The following CIT variants were observed in gnomAD, a reference collection of about 807,000 sequenced individuals.
CIT encodes citron Rho-interacting kinase.
CIT carries 79 observed loss-of-function variants against 272.7 expected under a neutral mutation model. That is an observed-to-expected ratio of 0.29 (90% CI 0.24 to 0.35). CIT has a LOEUF of 0.35. Ranked by LOEUF, CIT falls within the 10% of genes least tolerant of loss-of-function variation. The pLI is 1.00. For missense variants in CIT, 1,909 were observed against 2,618.3 expected, an observed-to-expected ratio of 0.73 and a Z score of 5.91; for synonymous variants, 948 against 995.6, an observed-to-expected ratio of 0.95 and a Z score of 0.90.
At chr12:119,847,970 G>C (rs570521874) in intron 5 of CIT, among the ~76,000 whole-genome samples, 9 of 152,286 alleles carry the variant, frequency 5.9e-5, no homozygotes, top group Admixed American at 1.3e-4. Flanking sequence ...ATGATGCAGA[G>C]AGCACAAGGT....
intron 3 of CIT, among the ~76,000 whole-genome samples, chr12:119,862,521 A>C (rs73418587): frequency 0.045 from 6,802 of 151,902 alleles, 526 homozygotes; most frequent in African/African-American, 0.16. Flanking sequence ...AATACTATTA[A>C]GAGGTAGGAC....
chr12:119,856,485 C>T (rs1460032432), intron 4 of CIT, among the ~76,000 whole-genome samples: 1 of 152,048 alleles, frequency 6.6e-6, no homozygotes, highest in Non-Finnish European at 1.5e-5. Context: ...CCCATTTCCC[C>T]CTCCCCACCC....
chr12:119,799,364 G>A (rs576788718), intron 10 of CIT, among the ~76,000 whole-genome samples: 22 of 152,200 alleles, frequency 1.4e-4, no homozygotes, highest in South Asian at 4.2e-4. Context: ...GAAAAGTATC[G>A]CTGTCCTTCC....
At chr12:119,852,667 C>G (rs765799123) in intron 4 of CIT, among the ~76,000 whole-genome samples, 42 of 151,474 alleles carry the variant, frequency 2.8e-4, no homozygotes, top group Non-Finnish European at 5.2e-4. Flanking sequence ...CGCCACTGCA[C>G]TCTAGCCTGG....
intron 17 of CIT, among the ~76,000 whole-genome samples, 165 bp from the exon 18 acceptor site, chr12:119,771,075 C>A (rs1006861386): frequency 1.3e-5 from 2 of 152,308 alleles, no homozygotes; most frequent in African/African-American, 4.8e-5. Context: ...AATCTAGGTA[C>A]TCAGTTGTGT....
In CIT at chr12:119,690,626, G is replaced by C. The variant is rs1437611898; in HGVS notation, c.5883-172C>G. 6.6e-6 allele frequency among the ~76,000 whole-genome samples: 1 copy of C among 152,220 alleles called. No individual in the cohort carries two copies. The highest frequency in any genetic ancestry group is 1.9e-4 in the East Asian group (1 of 5,194). On this transcript the variant is annotated intron_variant, in intron 46 of 47. Coordinates refer to ENST00000392521, the MANE Select transcript of CIT (RefSeq NM_001206999.2). This position sits in a 1 kb window ranked among gnomAD's most constrained non-coding sequence, Gnocchi z 6.0. ...ATTTGATTTTGGTAGCAAAGACAGG[G>C]AAGAGAGCAAAGATGGCAACAAAAG...
intron 24 of CIT, 136 bp from the exon 25 acceptor site, chr12:119,735,493 G>A (rs1001581391): frequency 2.2e-5 from 17 of 775,808 alleles, no homozygotes; most frequent in Admixed American, 1.4e-4. Context: ...CCACCTGACC[G>A]TGAGAGCCAT....
chr12:119,750,237 T>C (rs1300836244), intron 23 of CIT, among the ~76,000 whole-genome samples: 1 of 152,232 alleles, frequency 6.6e-6, no homozygotes, highest in Non-Finnish European at 1.5e-5. Flanking sequence ...AGAAATGTTA[T>C]CTGTCTCTCT....
chr12:119,840,493 A>C (rs1270144553), intron 5 of CIT, among the ~76,000 whole-genome samples: 2 of 152,214 alleles, frequency 1.3e-5, no homozygotes, highest in Non-Finnish European at 2.9e-5. Context: ...ATAAAAAAAA[A>C]CAACTATTTC....
rs1418695923 is a variant in CIT, at chr12:119,694,488, GA to G, written c.5882+3170del. Among the ~76,000 whole-genome samples, 1 of 152,130 alleles carries G rather than the reference GA, an allele frequency of 6.6e-6. No individual in the cohort carries two copies. Among genetic ancestry groups the G allele is most frequent in the Non-Finnish European group, 1.5e-5 (1 of 68,034 alleles). Reference sequence around the variant, plus strand: ...ACATCAAGGTACAGGAGAGTATGCAGAATATGCTGCCACTTGTATTAAAAAG... The same window carrying G: ...ACATCAAGGTACAGGAGAGTATGCAGATATGCTGCCACTTGTATTAAAAAG... On this transcript the variant is annotated intron_variant, in intron 46 of 47. Coordinates refer to ENST00000392521, the MANE Select transcript of CIT (RefSeq NM_001206999.2). The surrounding 1 kb of genome is among the most constrained non-coding windows in gnomAD (Gnocchi z 4.5).
Position 119,701,745 on chromosome 12 carries a change from C to T in CIT, c.5421G>A (p.Leu1807=). The T allele has an allele frequency of 6.2e-7, 1 of 1,614,214 alleles. No homozygotes were observed. Among genetic ancestry groups the T allele is most frequent in the Admixed American group, 1.7e-5 (1 of 60,024 alleles). The change falls in exon 43 of 48, where the codon CTG becomes CTA. Residue 1807 remains leucine, a synonymous_variant. Coordinates refer to ENST00000392521, the MANE Select transcript of CIT (RefSeq NM_001206999.2). The part of the protein sequence containing the change: ...DMKQYTLEEF[L]DKNDHSLAPA... ...GTGCCAAGGAATGGTCATTCTTATC[C>T]AGGAATTCTGTAAAGGCAGGCGAGA...
chr12:119,699,992 C>T, intron 44 of CIT: 1 of 446,032 alleles, frequency 2.2e-6, no homozygotes, highest in Non-Finnish European at 4.5e-6. Flanking sequence ...TGCTATCTAA[C>T]AAGTGCAAAA....
chr12:119,800,351 C>T (rs961897328), intron 10 of CIT, among the ~76,000 whole-genome samples: 2 of 152,188 alleles, frequency 1.3e-5, no homozygotes, highest in African/African-American at 2.4e-5. Context: ...AAGGAACTCC[C>T]ACTACGCCTC....
intron 26 of CIT, among the ~76,000 whole-genome samples, chr12:119,732,459 C>T (rs1958510915): frequency 1.3e-5 from 2 of 152,058 alleles, no homozygotes; most frequent in African/African-American, 4.8e-5. Context: ...GGGAAAACAA[C>T]CAGAACTTAC....
chr12:119,713,889 G>A lies in CIT; in HGVS notation c.4307-241C>T, dbSNP rs2137076934. On this transcript the variant is annotated intron_variant, in intron 33 of 47. Coordinates refer to ENST00000392521, the MANE Select transcript of CIT (RefSeq NM_001206999.2). This position sits in a 1 kb window ranked among gnomAD's most constrained non-coding sequence, Gnocchi z 5.2. The stretch of plus-strand genomic sequence containing the variant: ...CAATCCAGACCGCCCACAAACAGGT[G>A]TGTAAAGAACACGTTTGCATGTTTC... 3.3e-6 allele frequency: 2 copies of A among 610,236 alleles called. No homozygotes were observed. The highest frequency in any genetic ancestry group is 4.0e-5 in the South Asian group (2 of 50,532). The allele number at this position is 610,236 out of a possible 1,614,324, so 37.8% of individuals were successfully genotyped here.
Position 119,770,838 on chromosome 12 carries a change from C to T in CIT, c.2155G>A (p.Asp719Asn), listed in dbSNP as rs768906622. 1.9e-6 allele frequency: 3 copies of T among 1,612,860 alleles called. No homozygotes were observed. Among genetic ancestry groups the T allele is most frequent in the Non-Finnish European group, 1.7e-6 (2 of 1,179,872 alleles). The change falls in exon 18 of 48, where the codon GAT becomes AAT. Residue 719 changes from aspartate (D) to asparagine (N), a missense_variant. By Grantham distance (23) the Asp-to-Asn change is conservative (BLOSUM62 1). Around this residue, in one of 8 missense-constraint regions of CIT, gnomAD observed 530 missense variants for 822.4 expected, o/e 0.64. Transcript: ENST00000392521. This position sits in a 1 kb window ranked among gnomAD's most constrained non-coding sequence, Gnocchi z 4.4. Reference sequence around the variant, plus strand: ...TGTTGGGATTTTGTCTGGATGTCATCCTTCAGTCTGTTTTCTCTACGCTCC... The same window carrying T: ...TGTTGGGATTTTGTCTGGATGTCATTCTTCAGTCTGTTTTCTCTACGCTCC... ...TMERRENRLK[D>N]DIQTKSQQIQ...
At position 119,713,305 on chromosome 12, in the gene CIT, A is replaced by G; in HGVS notation, c.4488-11T>C. Reference sequence around the variant, plus strand: ...CCTCGTTTGTTATTCCTGGGGAAAGAAAGATGGAAAAGAAAAATGTCTGAA... The same window carrying G: ...CCTCGTTTGTTATTCCTGGGGAAAGGAAGATGGAAAAGAAAAATGTCTGAA... On this transcript the variant is annotated splice_polypyrimidine_tract_variant and intron_variant, in intron 34 of 47. Transcript: ENST00000392521. This position sits in a 1 kb window ranked among gnomAD's most constrained non-coding sequence, Gnocchi z 5.2. The G allele has an allele frequency of 6.2e-7, 1 of 1,611,966 alleles. No individual in the cohort carries two copies. Among genetic ancestry groups the G allele is most frequent in the South Asian group, 1.1e-5 (1 of 90,926 alleles).
rs393773 is a variant in CIT, at chr12:119,782,242, C to T, written c.1665+276G>A. The T allele has an allele frequency of 0.5, 114,533 of 228,314 alleles. 29,291 individuals are homozygous for T. The highest frequency in any genetic ancestry group is 0.59 in the Admixed American group (10,728 of 18,222). The allele number at this position is 228,314 out of a possible 1,614,324, so 14.1% of individuals were successfully genotyped here. Reference sequence around the variant, plus strand: ...CCAGCTTTGCCCCACAGGCTGAAGTCTGCCCACTCTTGCTCTAAACCTACA... The same window carrying T: ...CCAGCTTTGCCCCACAGGCTGAAGTTTGCCCACTCTTGCTCTAAACCTACA... On this transcript the variant is annotated intron_variant, in intron 13 of 47. Transcript: ENST00000392521.
chr12:119,757,513 C>T lies in CIT; in HGVS notation c.2564G>A (p.Arg855Lys), dbSNP rs1961164348. Residue 855 changes from arginine to lysine, a missense_variant, in exon 22 of 48, where the codon AGG (arginine) becomes AAG (lysine). Physicochemically the swap from Arg to Lys is conservative, Grantham distance 26. Transcript: ENST00000392521. The part of the protein sequence containing the change: ...KAQEEMISEL[R>K]QQKFYLETQA... Reference sequence around the variant, plus strand: ...TGTCTCCAGGTAAAATTTCTGTTGCCTGAGTTCAGAAATCATCTCTTCTTG... The same window carrying T: ...TGTCTCCAGGTAAAATTTCTGTTGCTTGAGTTCAGAAATCATCTCTTCTTG... 1 of 1,614,038 alleles carries T rather than the reference C, an allele frequency of 6.2e-7. No individual in the cohort carries two copies. The highest frequency in any genetic ancestry group is 8.5e-7 in the Non-Finnish European group (1 of 1,180,000).
Sources: gnomAD v4.1 joint callset for allele counts (sites outside exome capture counted in the v4.1 genomes callset) on GRCh38, gnomAD v4.1.1 for gene constraint, gnomAD v4.1.1 regional missense constraint, Gnocchi (gnomAD v3.1) non-coding constraint, MANE v1.5 for transcripts, NCBI Gene and HGNC (gene_info 2026-07-23, HGNC 2026-07-21) for gene names.